The following RORA variants were observed in gnomAD, a reference collection of about 807,000 sequenced individuals.
RORA encodes the protein RAR related orphan receptor A.
A neutral mutation model predicts 69.5 loss-of-function variants in RORA; 7 were observed. The observed-to-expected ratio is 0.10, with a 90% CI of 0.06 to 0.19. The LOEUF (loss-of-function observed/expected upper bound fraction) is 0.19. Among genes scored for constraint, RORA ranks in the 10% least tolerant of loss-of-function variants. The probability of loss-of-function intolerance (pLI) is 1.00; values close to 1 mark genes in which losing one functional copy is unlikely to be tolerated. For synonymous variants in RORA, 261 were observed against 240.8 expected (o/e 1.08, Z -0.78); for missense variants, 457 against 663.0 (o/e 0.69, Z 3.41).
At chr15:60,902,856 C>A (rs1891429941) in intron 1 of RORA, among the ~76,000 whole-genome samples, 1 of 152,214 alleles carries the variant, frequency 6.6e-6, no homozygotes, top group African/African-American at 2.4e-5. Context: ...TTCTCCTCTT[C>A]TACAGCTGCC....
At chr15:60,995,822 T>G (rs1017897175) in intron 1 of RORA, among the ~76,000 whole-genome samples, 4 of 152,204 alleles carry the variant, frequency 2.6e-5, no homozygotes, top group Admixed American at 2.6e-4. Context: ...AGTATGAATA[T>G]GAAAAAAGAA....
chr15:60,683,209 G>C (rs1272985104), intron 1 of RORA, among the ~76,000 whole-genome samples: 1 of 152,102 alleles, frequency 6.6e-6, no homozygotes, highest in Non-Finnish European at 1.5e-5. Flanking sequence ...TGGGGGTCTT[G>C]CCATGTTGTT....
intron 1 of RORA, among the ~76,000 whole-genome samples, chr15:60,819,789 A>ACACACACACACACACT (rs2072869706): frequency 7.3e-6 from 1 of 136,154 alleles, no homozygotes; most frequent in African/African-American, 2.6e-5. Flanking sequence ...ACACACACAC[A>ACACACACACACACACT]CACACGGGTT....
At chr15:60,661,544 T>C (rs1410473133) in intron 2 of RORA, among the ~76,000 whole-genome samples, 2 of 152,200 alleles carry the variant, frequency 1.3e-5, no homozygotes, top group African/African-American at 4.8e-5. Context: ...GTAGAAGCTG[T>C]TGGAACCATG....
intron 3 of RORA, chr15:60,527,936 A>C (rs1381503218): frequency 6.6e-6 from 1 of 152,180 alleles, no homozygotes; most frequent in Non-Finnish European, 1.5e-5. Flanking sequence ...CCTCCCAGCC[A>C]CCTTGACTGG....
chr15:60,526,184 C>T lies in RORA; in HGVS notation c.282+5582G>A, dbSNP rs183518049. 9.4e-4 allele frequency among the ~76,000 whole-genome samples: 143 copies of T among 152,318 alleles called. 1 individual carries two copies. The highest frequency in any genetic ancestry group is 7.7e-4 in the East Asian group (4 of 5,188). On this transcript the variant is annotated intron_variant, in intron 3 of 10. Transcript: ENST00000335670. ...ACAGAAATTCAGATTTCCTGAGCTA[C>T]GTTTTTGTTCAGTAGTGACTGGCCT...
At chr15:60,831,323 C>T (rs183140043) in intron 1 of RORA, among the ~76,000 whole-genome samples, 9 of 152,238 alleles carry the variant, frequency 5.9e-5, no homozygotes, top group Non-Finnish European at 1.3e-4. Context: ...TGGTATGCCT[C>T]GCAGGGGTCA....
intron 1 of RORA, among the ~76,000 whole-genome samples, chr15:61,056,030 T>A (rs1034963403): frequency 6.6e-6 from 1 of 152,190 alleles, no homozygotes; most frequent in Admixed American, 6.5e-5. Context: ...AAATATTCAA[T>A]TAATCAGCTA....
intron 2 of RORA, among the ~76,000 whole-genome samples, chr15:60,541,217 C>T (rs151256543): frequency 2.0e-4 from 31 of 152,312 alleles, no homozygotes; most frequent in African/African-American, 7.5e-4. Flanking sequence ...TCCTTCACCT[C>T]CAGTTTCCAG....
Position 61,213,104 on chromosome 15 carries a change from C to T in RORA, c.166+15949G>A, listed in dbSNP as rs1357379351. Among the ~76,000 whole-genome samples, 1 of 152,080 alleles carries T rather than the reference C, an allele frequency of 6.6e-6. No individual in the cohort carries two copies. Among genetic ancestry groups the T allele is most frequent in the Non-Finnish European group, 1.5e-5 (1 of 67,996 alleles). On this transcript the variant is annotated intron_variant, in intron 1 of 10. Coordinates refer to ENST00000335670, the MANE Select transcript of RORA (RefSeq NM_134261.3). This position sits in a 1 kb window ranked among gnomAD's most constrained non-coding sequence, Gnocchi z 4.1. ...CAACTCAGCCCATCCCAAATTGAAC[C>T]CATGCCTTCTCTCCTCTTCACACTC...
chr15:61,160,217 AAAT>A (rs2079482334), intron 1 of RORA, among the ~76,000 whole-genome samples: 1 of 152,226 alleles, frequency 6.6e-6, no homozygotes, highest in Non-Finnish European at 1.5e-5. Context: ...AACAAACAAA[AAAT>A]AACAGCAAAG....
chr15:60,527,912 T>A (rs1359202693), intron 3 of RORA, among the ~76,000 whole-genome samples: 2 of 152,142 alleles, frequency 1.3e-5, no homozygotes, highest in Admixed American at 1.3e-4. Flanking sequence ...TCCTTCTTCC[T>A]CAGCACAGAA....
At chr15:61,180,272 T>C (rs2079671413) in intron 1 of RORA, among the ~76,000 whole-genome samples, 1 of 152,172 alleles carries the variant, frequency 6.6e-6, no homozygotes, top group South Asian at 2.1e-4. Context: ...AAATACGTTT[T>C]CATCATCAAT....
At chr15:60,918,805 G>T (rs1891953656) in intron 1 of RORA, among the ~76,000 whole-genome samples, 1 of 152,148 alleles carries the variant, frequency 6.6e-6, no homozygotes, top group South Asian at 2.1e-4. Context: ...TGAGCAAAGG[G>T]TGCAGGCCCT....
chr15:60,669,714 C>T (rs2070436293), intron 2 of RORA, among the ~76,000 whole-genome samples: 1 of 152,206 alleles, frequency 6.6e-6, no homozygotes, highest in Non-Finnish European at 1.5e-5. Context: ...CAGCTCACCA[C>T]ACATGTTCCC....
chr15:60,523,508 C>T (rs1197281177), intron 3 of RORA, among the ~76,000 whole-genome samples: 1 of 151,982 alleles, frequency 6.6e-6, no homozygotes, highest in Non-Finnish European at 1.5e-5. Context: ...TTTTTGCTTT[C>T]CAGAGAGCCA....
At chr15:60,582,791 A>C (rs1041440077) in intron 2 of RORA, among the ~76,000 whole-genome samples, 1 of 152,352 alleles carries the variant, frequency 6.6e-6, no homozygotes, top group Non-Finnish European at 1.5e-5. Context: ...CCAGGTTGGG[A>C]GCAGATGACC....
At chr15:61,146,136 A>C (rs1295459591) in intron 1 of RORA, among the ~76,000 whole-genome samples, 1 of 152,206 alleles carries the variant, frequency 6.6e-6, no homozygotes, top group Non-Finnish European at 1.5e-5. Context: ...AAGTAATCAG[A>C]ATGCATGATG....
At chr15:61,041,414 G>GT (rs11372714) in intron 1 of RORA, among the ~76,000 whole-genome samples, 42,537 of 151,850 alleles carry the variant, frequency 0.28, 7,380 homozygotes, top group East Asian at 0.59. Flanking sequence ...AAGGAAGGCA[G>GT]TAAGAAAAGG....
Sources: gnomAD v4.1 joint callset for allele counts (sites outside exome capture counted in the v4.1 genomes callset) on GRCh38, gnomAD v4.1.1 for gene constraint, Gnocchi (gnomAD v3.1) non-coding constraint, MANE v1.5 for transcripts, NCBI Gene and HGNC (gene_info 2026-07-23, HGNC 2026-07-21) for gene names.